Variants in NT5DC3 observed in about 807,000 individuals in gnomAD.
NT5DC3 encodes 5'-nucleotidase domain containing 3, also known as 5'-nucleotidase domain-containing protein 3.
NT5DC3 carries 42 observed loss-of-function variants against 67.8 expected under a neutral mutation model. The ratio of observed to expected loss-of-function variants is 0.62; its 90% confidence interval spans 0.48 to 0.80. The LOEUF (loss-of-function observed/expected upper bound fraction) is 0.80. Ranked by LOEUF, NT5DC3 falls within the 30% of genes least tolerant of loss-of-function variation. The pLI is 0.00. For synonymous variants in NT5DC3, 237 were observed against 255.6 expected (o/e 0.93, Z 0.69); for missense variants, 570 against 696.4 (o/e 0.82, Z 2.04).
chr12:103,806,513 G>T, intron 3 of NT5DC3, 136 bp from the exon 4 acceptor site: 1 of 674,088 alleles, frequency 1.5e-6, no homozygotes. Flanking sequence ...ATTCCTGAAA[G>T]GGTTGCTTGT....
At chr12:103,840,906 G>A (rs1888390983) in intron 1 of NT5DC3, 43 bp downstream of exon 1, 1 of 1,231,888 alleles carries the variant, frequency 8.1e-7, no homozygotes, top group Non-Finnish European at 1.1e-6. Context: ...TGAGCGCGCA[G>A]GAGGGGCCCC....
chr12:103,814,109 G>A (rs1233069692), intron 2 of NT5DC3, among the ~76,000 whole-genome samples: 1 of 152,196 alleles, frequency 6.6e-6, no homozygotes, highest in Admixed American at 6.5e-5. Context: ...CGACCCCACT[G>A]GGCTGTTGGT....
In NT5DC3 at chr12:103,777,454, G is replaced by A. The variant is rs942173459; in HGVS notation, c.*375C>T. ...CCCTGCAGTTCCCAATGCATAGCCCGTAAATGTTCAGGAAATGTTCCATGG... is the reference window on the plus strand; with the variant it reads ...CCCTGCAGTTCCCAATGCATAGCCCATAAATGTTCAGGAAATGTTCCATGG... On this transcript the variant is annotated 3_prime_UTR_variant, in exon 14 of 14. Coordinates refer to ENST00000392876, the MANE Select transcript of NT5DC3 (RefSeq NM_001031701.3). 1.9e-5 allele frequency: 4 copies of A among 205,824 alleles called. No individual in the cohort carries two copies. The highest frequency in any genetic ancestry group is 1.2e-4 in the East Asian group (1 of 8,306). The allele number at this position is 205,824 out of a possible 1,614,324, so 12.7% of individuals were successfully genotyped here. A position where few individuals can be genotyped will look rare whatever the true frequency, so the allele number is the denominator to read the frequency against.
chr12:103,781,163 C>T (rs1363687620), intron 12 of NT5DC3, among the ~76,000 whole-genome samples: 1 of 152,168 alleles, frequency 6.6e-6, no homozygotes, highest in Non-Finnish European at 1.5e-5. Flanking sequence ...AACACTGAGG[C>T]CAGAATCCAA....
chr12:103,754,291 TA>T, the NT5DC3 span, among the ~76,000 whole-genome samples: 1 of 152,098 alleles, frequency 6.6e-6, no homozygotes, highest in South Asian at 2.1e-4. Flanking sequence ...GTGGAAGGAC[TA>T]AATGTAATAT....
intron 1 of NT5DC3, among the ~76,000 whole-genome samples, chr12:103,840,390 CAT>C (rs1265271159): frequency 7.5e-6 from 1 of 133,412 alleles, no homozygotes; most frequent in Non-Finnish European, 1.5e-5. Flanking sequence ...CATCTCATCT[CAT>C]CTCATCTCAT....
chr12:103,798,178 C>G (rs1263517433), intron 5 of NT5DC3, among the ~76,000 whole-genome samples: 2 of 152,012 alleles, frequency 1.3e-5, no homozygotes, highest in Non-Finnish European at 2.9e-5. Context: ...GGAAAGAGAA[C>G]CACAAAAGAT....
Position 103,788,976 on chromosome 12 carries a change from T to C in NT5DC3, c.1020-57A>G, listed in dbSNP as rs77796197. On this transcript the variant is annotated intron_variant, in intron 9 of 13. Transcript: ENST00000392876. ...GGAGTAGTACAGGCTGTCTGCTCTA[T>C]GAAATACCAGTTATTCACTATCACA... 338 of 1,147,372 alleles carry C rather than the reference T, an allele frequency of 2.9e-4. 1 individual carries two copies. In the East Asian group the frequency reaches 7.5e-3, roughly 26 times the overall value. The allele number at this position is 1,147,372 out of a possible 1,614,324, so 71.1% of individuals were successfully genotyped here.
chr12:103,785,496 A>G (rs1377059862), intron 11 of NT5DC3, 21 bp from the exon 12 acceptor site: 1 of 1,613,012 alleles, frequency 6.2e-7, no homozygotes, highest in East Asian at 2.2e-5. Flanking sequence ...AGATCACGAA[A>G]AGTCAACGTC....
chr12:103,782,936 A>G (rs1885618094), intron 12 of NT5DC3, among the ~76,000 whole-genome samples: 1 of 152,194 alleles, frequency 6.6e-6, no homozygotes, highest in Admixed American at 6.5e-5. Context: ...CAGTGAGCCA[A>G]GATCGCGCCA....
intron 12 of NT5DC3, among the ~76,000 whole-genome samples, chr12:103,783,256 CTAT>C (rs1885633193): frequency 6.6e-6 from 1 of 152,176 alleles, no homozygotes; most frequent in Non-Finnish European, 1.5e-5. Flanking sequence ...CTATACACCT[CTAT>C]ATCCTAGTGA....
chr12:103,828,640 C>G (rs555525281), intron 1 of NT5DC3, among the ~76,000 whole-genome samples: 2 of 152,120 alleles, frequency 1.3e-5, no homozygotes, highest in African/African-American at 2.4e-5. Context: ...CCTCCTGCCT[C>G]TGACATTACC....
intron 11 of NT5DC3, 59 bp downstream of exon 11, chr12:103,787,382 T>A: frequency 1.3e-6 from 1 of 785,598 alleles, no homozygotes; most frequent in Non-Finnish European, 2.0e-6. Context: ...AAAGATACAT[T>A]CTTTAGTAAG....
chr12:103,786,827 C>T (rs750220121), intron 11 of NT5DC3, among the ~76,000 whole-genome samples: 1 of 151,950 alleles, frequency 6.6e-6, no homozygotes, highest in African/African-American at 2.4e-5. Flanking sequence ...GGATTACAGG[C>T]GTGTGCTACC....
At chr12:103,787,552 A>G (rs1249203555) in intron 10 of NT5DC3, 25 bp from the exon 11 acceptor site, 1 of 1,335,882 alleles carries the variant, frequency 7.5e-7, no homozygotes, top group African/African-American at 1.5e-5. Context: ...AACTATAGTT[A>G]TTATTATTAC....
intron 12 of NT5DC3, among the ~76,000 whole-genome samples, chr12:103,782,223 G>A (rs1191175980): frequency 6.6e-6 from 1 of 152,124 alleles, no homozygotes; most frequent in African/African-American, 2.4e-5. Flanking sequence ...ACAAAAATTA[G>A]CTGGGCATGC....
At chr12:103,828,522 A>G (rs1001834420) in intron 1 of NT5DC3, among the ~76,000 whole-genome samples, 25 of 152,160 alleles carry the variant, frequency 1.6e-4, no homozygotes, top group African/African-American at 5.3e-4. Context: ...TAAAGAATAT[A>G]TCCTGCTATT....
intron 1 of NT5DC3, among the ~76,000 whole-genome samples, chr12:103,831,755 G>A (rs143184659): frequency 6.0e-4 from 89 of 149,456 alleles, no homozygotes; most frequent in African/African-American, 2.1e-3. Context: ...GTCATCATTC[G>A]GGTTTCAGCA....
At position 103,808,194 on chromosome 12, in the gene NT5DC3, GC is replaced by G. The variant is rs557622682; in HGVS notation, c.394-1266del. Reference sequence around the variant, plus strand: ...CATTTCTGCTGCTACTACACGGCAGGCCCTACCATCCCCATTTTATTCAGAG... The same window carrying G: ...CATTTCTGCTGCTACTACACGGCAGGCCTACCATCCCCATTTTATTCAGAG... On this transcript the variant is annotated intron_variant, in intron 2 of 13. Transcript: ENST00000392876. Among the ~76,000 whole-genome samples, 647 of 152,226 alleles carry G rather than the reference GC, an allele frequency of 4.3e-3. 1 individual carries two copies. The highest frequency in any genetic ancestry group is 0.015 in the African/African-American group (623 of 41,522).
Sources: allele counts gnomAD v4.1 joint callset (sites outside exome capture counted in the v4.1 genomes callset), GRCh38; gene constraint gnomAD v4.1.1; transcripts MANE v1.5; gene names NCBI Gene and HGNC (gene_info 2026-07-23, HGNC 2026-07-21).